The following RBM28 variants were observed in gnomAD, a reference collection of about 807,000 sequenced individuals.
The protein encoded by RBM28 is RNA-binding protein 28.
RBM28 carries 78 observed loss-of-function variants against 98.3 expected under a neutral mutation model. That is an observed-to-expected ratio of 0.79 (90% CI 0.66 to 0.96). RBM28 has a LOEUF of 0.96. Ranked by LOEUF, RBM28 falls within the 40% of genes least tolerant of loss-of-function variation. The probability of loss-of-function intolerance (pLI) is 0.00; values close to 1 mark genes in which losing one functional copy is unlikely to be tolerated. For synonymous variants in RBM28, 306 were observed against 330.9 expected, an observed-to-expected ratio of 0.92 and a Z score of 0.82; for missense variants, 838 against 913.0, an observed-to-expected ratio of 0.92 and a Z score of 1.06.
chr7:128,327,292 T>A (rs951005483), intron 10 of RBM28, among the ~76,000 whole-genome samples: 3 of 152,166 alleles, frequency 2.0e-5, no homozygotes, highest in African/African-American at 7.2e-5. Flanking sequence ...GATCTCACTG[T>A]CACACAGTCA....
At position 128,333,333 on chromosome 7, in the gene RBM28, T is replaced by C. The variant is rs1228947657; in HGVS notation, c.976A>G (p.Lys326Glu). The change falls in exon 9 of 19, where the codon AAA becomes GAA. Residue 326 changes from lysine (K) to glutamate (E), a missense_variant. Lys to Glu is a moderately conservative substitution (Grantham distance 56, BLOSUM62 1). Transcript: ENST00000223073. ...AVQVSNKKKR[K>E]LPSDVNEGKT... ...CCTTCATTCACATCAGAGGGTAATT[T>C]CCTCTTCTTTTTGTTTGAGACTTGC... 1 of 1,605,320 alleles carries C rather than the reference T, an allele frequency of 6.2e-7. No individual in the cohort carries two copies. The highest frequency in any genetic ancestry group is 8.5e-7 in the Non-Finnish European group (1 of 1,171,980).
At chr7:128,333,034 T>C (rs986516022) in intron 9 of RBM28, among the ~76,000 whole-genome samples, 1 of 152,226 alleles carries the variant, frequency 6.6e-6, no homozygotes, top group African/African-American at 2.4e-5. Flanking sequence ...TTGAACTGAT[T>C]TCTTCCAAAT....
chr7:128,317,559 CCTAA>C (rs1562949961), intron 16 of RBM28, 96 bp downstream of exon 16: 3 of 950,732 alleles, frequency 3.2e-6, no homozygotes, highest in Admixed American at 1.8e-5. Context: ...AGCAAAAAAA[CCTAA>C]CTGAGGGGAG....
rs954400840 is a variant in RBM28 at position 128,317,939 on chromosome 7, C to T, written c.1713+18G>A. On this transcript the variant is annotated intron_variant, in intron 15 of 18. Transcript: ENST00000223073. The stretch of plus-strand genomic sequence containing the variant: ...AGTGGTCCTAAGGGAACAAGTCTCC[C>T]CAGAGGACAAGGCCTACCTTCAGAG... 31 of 1,613,882 alleles carry T rather than the reference C, an allele frequency of 1.9e-5. No homozygotes were observed. The highest frequency in any genetic ancestry group is 2.7e-5 in the African/African-American group (2 of 74,900).
rs948107736 is a variant in RBM28 at position 128,298,133 on chromosome 7, T to C, written c.*12664A>G. On this transcript the variant is annotated 3_prime_UTR_variant, in exon 19 of 19. Coordinates refer to ENST00000223073, the MANE Select transcript of RBM28 (RefSeq NM_018077.3). ...CACATGTACCCTAAAACTTAAATAA[T>C]AAAAAAAAAAGACAATACGCGCACA... The C allele has an allele frequency of 2.0e-5, 3 of 148,522 alleles. 1 individual carries two copies. Among genetic ancestry groups the C allele is most frequent in the South Asian group, 4.3e-4 (2 of 4,664 alleles). 9.2% of individuals were successfully genotyped at this position (148,522 alleles called of 1,614,324 possible).
intron 10 of RBM28, among the ~76,000 whole-genome samples, chr7:128,328,060 C>T (rs1319458759): frequency 6.6e-6 from 1 of 152,156 alleles, no homozygotes; most frequent in Non-Finnish European, 1.5e-5. Flanking sequence ...CCCCTCCTGC[C>T]TCCTATCTTC....
intron 14 of RBM28, among the ~76,000 whole-genome samples, chr7:128,319,598 G>C (rs1796177572): frequency 6.6e-6 from 1 of 152,192 alleles, no homozygotes; most frequent in Non-Finnish European, 1.5e-5. Flanking sequence ...ACAGAGTAAA[G>C]CAGGCCCAAA....
At position 128,310,673 on chromosome 7, in the gene RBM28, A is replaced by G; in HGVS notation, c.*124T>C. 1 of 1,313,734 alleles carries G rather than the reference A, an allele frequency of 7.6e-7. No homozygotes were observed. The highest frequency in any genetic ancestry group is 2.3e-5 in the East Asian group (1 of 43,516). The allele number at this position is 1,313,734 out of a possible 1,614,324, so 81.4% of individuals were successfully genotyped here. A position where few individuals can be genotyped will look rare whatever the true frequency, so the allele number is the denominator to read the frequency against. ...ATGTACACAGTCCAGGGCACCTCCG[A>G]GCACAGTGGCAGTGCCCTTGGGGAT... is the stretch of plus-strand genomic sequence containing the variant. On this transcript the variant is annotated 3_prime_UTR_variant, in exon 19 of 19. Coordinates refer to ENST00000223073, the MANE Select transcript of RBM28 (RefSeq NM_018077.3).
At chr7:128,333,723 A>G (rs1183768569) in intron 8 of RBM28, among the ~76,000 whole-genome samples, 1 of 152,184 alleles carries the variant, frequency 6.6e-6, no homozygotes, top group Non-Finnish European at 1.5e-5. Context: ...AGTCTCAAAA[A>G]AAATAAATAA....
rs765466083 is a variant in RBM28, at chr7:128,335,853, T to C, written c.803A>G (p.Gln268Arg). 2.6e-5 allele frequency: 42 copies of C among 1,614,074 alleles called. No individual in the cohort carries two copies. The highest frequency in any genetic ancestry group is 3.3e-5 in the Admixed American group (2 of 60,012). ...ESKVTKPVQI[Q>R]KRAVKRPAPA... ...AACAGGATGAGCTGCTTACCTCTTCTGAATTTGCACAGGCTTGGTCACCTT... is the reference window on the plus strand; with the variant it reads ...AACAGGATGAGCTGCTTACCTCTTCCGAATTTGCACAGGCTTGGTCACCTT... Residue 268 changes from glutamine (Q) to arginine (R), a missense_variant, in exon 7 of 19, where the codon CAG becomes CGG. By Grantham distance (43) the Gln-to-Arg change is conservative. Transcript: ENST00000223073.
intron 14 of RBM28, among the ~76,000 whole-genome samples, chr7:128,320,685 A>G (rs903010982): frequency 3.9e-5 from 6 of 152,266 alleles, no homozygotes; most frequent in African/African-American, 9.6e-5. Context: ...ACATGATAGC[A>G]CAAAGTATAA....
At chr7:128,318,967 A>C (rs151251586) in intron 14 of RBM28, among the ~76,000 whole-genome samples, 117 of 152,350 alleles carry the variant, frequency 7.7e-4, no homozygotes, top group African/African-American at 2.7e-3. Flanking sequence ...TATAGGAAGA[A>C]GTTTCAGCTC....
At chr7:128,316,399 A>C (rs1796108340) in intron 16 of RBM28, among the ~76,000 whole-genome samples, 1 of 152,210 alleles carries the variant, frequency 6.6e-6, no homozygotes, top group African/African-American at 2.4e-5. Flanking sequence ...GGCAACAAAT[A>C]AAGTAATTTG....
chr7:128,339,351 C>G (rs779401453), intron 2 of RBM28, 30 bp from the exon 3 acceptor site: 2 of 1,530,422 alleles, frequency 1.3e-6, no homozygotes, highest in South Asian at 2.3e-5. Context: ...GGAATAAGTA[C>G]TCGAAAATCA....
rs1437068378 is a variant in RBM28 at position 128,308,989 on chromosome 7, A to AAAAAAAAAAAAAAAAAC, written c.*1807_*1808insGTTTTTTTTTTTTTTTT. The AAAAAAAAAAAAAAAAAC allele has an allele frequency of 6.6e-6, 1 of 152,092 alleles. No homozygotes were observed. 9.4% of individuals were successfully genotyped at this position (152,092 alleles called of 1,614,324 possible). A position where few individuals can be genotyped will look rare whatever the true frequency, so the allele number is the denominator to read the frequency against. ...AAGACTGTCTCAAAAAAAAAAAAAA[A>AAAAAAAAAAAAAAAAAC]AAAGAAATAACCATATCTCTAGCTC... On this transcript the variant is annotated 3_prime_UTR_variant, in exon 19 of 19. Coordinates refer to ENST00000223073, the MANE Select transcript of RBM28 (RefSeq NM_018077.3).
chr7:128,321,517 C>G (rs1796234236), intron 13 of RBM28, 93 bp from the exon 14 acceptor site: 3 of 1,480,786 alleles, frequency 2.0e-6, no homozygotes, highest in African/African-American at 1.4e-5. Flanking sequence ...GATCCTCATC[C>G]CATAACCACA....
chr7:128,341,121 A>T, intron 1 of RBM28: 1 of 1,279,542 alleles, frequency 7.8e-7, no homozygotes, highest in Non-Finnish European at 1.0e-6. Context: ...CCTTTACCTG[A>T]AAAGGACACA....
chr7:128,337,098 C>T (rs768060311), intron 6 of RBM28, 33 bp downstream of exon 6: 73 of 1,602,588 alleles, frequency 4.6e-5, no homozygotes, highest in Admixed American at 2.8e-4. Flanking sequence ...GGTTATACAA[C>T]GCCCCTACTC....
intron 10 of RBM28, among the ~76,000 whole-genome samples, chr7:128,326,448 T>C (rs1796353282): frequency 6.6e-6 from 1 of 152,202 alleles, no homozygotes; most frequent in African/African-American, 2.4e-5. Context: ...TTATACTGCA[T>C]TTTACTATAC....
Sources: allele counts gnomAD v4.1 joint callset (sites outside exome capture counted in the v4.1 genomes callset), GRCh38; gene constraint gnomAD v4.1.1; transcripts MANE v1.5; gene names NCBI Gene and HGNC (gene_info 2026-07-23, HGNC 2026-07-21).